ANGPT1: variants seen among roughly 807,000 people sequenced by gnomAD.
ANGPT1 encodes the protein angiopoietin-1.
In ANGPT1, 17 loss-of-function variants were observed where a neutral mutation model predicts 62.2. The ratio of observed to expected loss-of-function variants is 0.27; its 90% CI spans 0.19 to 0.41. The LOEUF (loss-of-function observed/expected upper bound fraction) is 0.41. Among genes scored for constraint, ANGPT1 ranks in the 10% least tolerant of loss-of-function variants. The pLI is 1.00. For missense variants in ANGPT1, 478 were observed against 594.9 expected, an observed-to-expected ratio of 0.80 and a Z score of 2.04; for synonymous variants, 199 against 198.9, an observed-to-expected ratio of 1.00 and a Z score of 0.00.
Position 107,321,944 on chromosome 8 carries a change from G to A in ANGPT1, c.760C>T (p.Leu254=). Residue 254 remains leucine, a synonymous_variant, in exon 4 of 9, where the codon CTG becomes TTG. Coordinates refer to ENST00000517746, the MANE Select transcript of ANGPT1 (RefSeq NM_001146.5). ...NSVLQKQQLE[L]MDTVHNLVNL... ...ACAAGGTTGTGGACTGTGTCCATCA[G>A]CTCCAGTTGCTGCTTCTGAAGGACA... 1 of 1,614,002 alleles carries A rather than the reference G, an allele frequency of 6.2e-7. No homozygotes were observed. The highest frequency in any genetic ancestry group is 8.5e-7 in the Non-Finnish European group (1 of 1,179,880).
intron 7 of ANGPT1, among the ~76,000 whole-genome samples, chr8:107,265,450 T>C (rs532826171): frequency 6.6e-6 from 1 of 152,344 alleles, no homozygotes; most frequent in South Asian, 2.1e-4. Flanking sequence ...TTAGAACTAA[T>C]GTAAACTTGC....
At chr8:107,475,415 C>T (rs1301686410) in intron 1 of ANGPT1, among the ~76,000 whole-genome samples, 2 of 152,140 alleles carry the variant, frequency 1.3e-5, no homozygotes, top group Admixed American at 6.6e-5. Context: ...CCCTTCCTTA[C>T]ACCTTATACA....
chr8:107,337,921 C>T (rs556615674), intron 2 of ANGPT1, among the ~76,000 whole-genome samples: 1 of 151,948 alleles, frequency 6.6e-6, no homozygotes, highest in African/African-American at 2.4e-5. Flanking sequence ...ACGGCAAAAC[C>T]CCATCTCTAC....
rs1437288214 is a variant in ANGPT1 at position 107,343,389 on chromosome 8, A to AGTT, written c.453+3550_453+3552dup. On this transcript the variant is annotated intron_variant, in intron 2 of 8. Coordinates refer to ENST00000517746, the MANE Select transcript of ANGPT1 (RefSeq NM_001146.5). ...TTATCCCTCAAGGCAGCCGTGCAAC[A>AGTT]GTTCCAGCAAGGCTGATGAAGAGCC... is the stretch of plus-strand genomic sequence containing the variant. Among the ~76,000 whole-genome samples the AGTT allele has an allele frequency of 2.6e-5, 4 of 152,272 alleles. No homozygotes were observed. In the East Asian group the frequency reaches 7.8e-4, roughly 30 times the overall value.
chr8:107,367,578 C>G (rs1217215098), intron 1 of ANGPT1, among the ~76,000 whole-genome samples: 1 of 152,160 alleles, frequency 6.6e-6, no homozygotes, highest in African/African-American at 2.4e-5. Context: ...TTTGATCACT[C>G]ACTCTGGGGA....
At chr8:107,324,198 T>C (rs1393683696) in intron 3 of ANGPT1, among the ~76,000 whole-genome samples, 1 of 80,482 alleles carries the variant, frequency 1.2e-5, no homozygotes, top group Admixed American at 1.3e-4. Context: ...TATATATGTA[T>C]ATATATGTAT....
chr8:107,428,865 T>C (rs1442992836), intron 1 of ANGPT1, among the ~76,000 whole-genome samples: 1 of 152,214 alleles, frequency 6.6e-6, no homozygotes, highest in Non-Finnish European at 1.5e-5. Context: ...TTCATCCTAT[T>C]ATTGTCTTCT....
intron 6 of ANGPT1, among the ~76,000 whole-genome samples, chr8:107,290,776 G>C (rs6999380): frequency 2.0e-5 from 3 of 151,994 alleles, no homozygotes; most frequent in Non-Finnish European, 4.4e-5. Context: ...TTTTAAAAAA[G>C]GGAGGAGGGG....
intron 1 of ANGPT1, among the ~76,000 whole-genome samples, chr8:107,465,557 C>A (rs554160201): frequency 6.6e-6 from 1 of 152,180 alleles, no homozygotes; most frequent in East Asian, 1.9e-4. Flanking sequence ...TAAAGTACAA[C>A]TGAATTCATG....
At chr8:107,425,993 A>T (rs1019718835) in intron 1 of ANGPT1, among the ~76,000 whole-genome samples, 1 of 152,212 alleles carries the variant, frequency 6.6e-6, no homozygotes, top group African/African-American at 2.4e-5. Context: ...TGAAAACAAA[A>T]TTACAAATGC....
chr8:107,256,728 C>CG (rs994497454), intron 8 of ANGPT1, among the ~76,000 whole-genome samples: 1 of 152,054 alleles, frequency 6.6e-6, no homozygotes, highest in Non-Finnish European at 1.5e-5. Context: ...TTAGGGAAGG[C>CG]ACTTCAAGCC....
At chr8:107,466,463 T>G (rs1025073575) in intron 1 of ANGPT1, among the ~76,000 whole-genome samples, 4 of 152,128 alleles carry the variant, frequency 2.6e-5, no homozygotes, top group Non-Finnish European at 5.9e-5. Context: ...TGTTATCTAT[T>G]GCTCCTCAAA....
intron 1 of ANGPT1, among the ~76,000 whole-genome samples, chr8:107,393,269 T>A (rs1448720794): frequency 1.3e-5 from 2 of 152,108 alleles, no homozygotes; most frequent in African/African-American, 4.8e-5. Context: ...CAAATATAGA[T>A]CAGTGGTTCC....
intron 1 of ANGPT1, among the ~76,000 whole-genome samples, chr8:107,470,457 C>A (rs188741258): frequency 6.8e-6 from 1 of 147,714 alleles, no homozygotes; most frequent in East Asian, 2.0e-4. Flanking sequence ...AGTGACCTGG[C>A]AAATTCATTT....
At chr8:107,488,945 G>A (rs1002405862) in intron 1 of ANGPT1, among the ~76,000 whole-genome samples, 1 of 152,102 alleles carries the variant, frequency 6.6e-6, no homozygotes, top group Non-Finnish European at 1.5e-5. Context: ...ACTATAATTT[G>A]GGATTTTAAA....
chr8:107,255,062 T>C (rs1037744177), intron 8 of ANGPT1, among the ~76,000 whole-genome samples: 9 of 152,136 alleles, frequency 5.9e-5, no homozygotes, highest in East Asian at 1.9e-4. Context: ...GACAGAAATT[T>C]TTGGAAACAA....
rs144473356 is a variant in ANGPT1, at chr8:107,395,730, G to A, written c.298-48633C>T. ...TTATTTATGTATGTGTTTCTTTGAA[G>A]CATAACATAGATTTCACTTTAACTT... On this transcript the variant is annotated intron_variant, in intron 1 of 8. Coordinates refer to ENST00000517746, the MANE Select transcript of ANGPT1 (RefSeq NM_001146.5). Among the ~76,000 whole-genome samples, 1,320 of 152,214 alleles carry A rather than the reference G, an allele frequency of 8.7e-3. 25 individuals are homozygous for A. Among genetic ancestry groups the A allele is most frequent in the African/African-American group, 0.029 (1,211 of 41,552 alleles).
chr8:107,488,813 A>T (rs574087256), intron 1 of ANGPT1, among the ~76,000 whole-genome samples: 1 of 152,188 alleles, frequency 6.6e-6, no homozygotes, highest in African/African-American at 2.4e-5. Flanking sequence ...ACCTTGAGCT[A>T]CAATAAAAAC....
intron 7 of ANGPT1, among the ~76,000 whole-genome samples, chr8:107,280,479 G>A (rs1813978655): frequency 6.6e-6 from 1 of 152,146 alleles, no homozygotes; most frequent in Non-Finnish European, 1.5e-5. Flanking sequence ...GGAGGCAATG[G>A]GTTGACACGT....
Sources: allele counts gnomAD v4.1 joint callset (sites outside exome capture counted in the v4.1 genomes callset), GRCh38; gene constraint gnomAD v4.1.1; transcripts MANE v1.5; gene names NCBI Gene and HGNC (gene_info 2026-07-23, HGNC 2026-07-21).